Variants in SLC35F4 observed in about 807,000 individuals in gnomAD.
SLC35F4 encodes solute carrier family 35 member F4.
Under a neutral mutation model 44.2 loss-of-function variants are expected in SLC35F4, and 24 were observed. The observed-to-expected ratio is 0.54, with a 90% confidence interval of 0.39 to 0.76. SLC35F4 has a LOEUF of 0.76. SLC35F4 is among the 30% of genes least tolerant of loss of function. SLC35F4 has a pLI of 0.00. For missense variants in SLC35F4, 562 were observed against 586.1 expected, an observed-to-expected ratio of 0.96 and a Z score of 0.42; for synonymous variants, 238 against 223.6, an observed-to-expected ratio of 1.06 and a Z score of -0.57.
intron 1 of SLC35F4, among the ~76,000 whole-genome samples, chr14:57,966,911 G>A (rs1019199627): frequency 4.6e-5 from 7 of 151,962 alleles, no homozygotes; most frequent in East Asian, 1.9e-4. Context: ...TCAGGAGACC[G>A]AGGCAGGAGA....
chr14:57,919,321 C>T (rs1396167161), intron 1 of SLC35F4, among the ~76,000 whole-genome samples: 3 of 152,192 alleles, frequency 2.0e-5, no homozygotes, highest in Admixed American at 6.5e-5. Context: ...GGACAATAAC[C>T]TACTCCTTAT....
intron 1 of SLC35F4, among the ~76,000 whole-genome samples, chr14:57,648,950 C>T (rs1253351013): frequency 6.6e-6 from 1 of 152,206 alleles, no homozygotes; most frequent in East Asian, 1.9e-4. Context: ...CACTCTGCTT[C>T]AGTTACCCTG....
At chr14:57,942,848 T>C (rs1449935301) in intron 1 of SLC35F4, among the ~76,000 whole-genome samples, 1 of 152,234 alleles carries the variant, frequency 6.6e-6, no homozygotes, top group African/African-American at 2.4e-5. Context: ...TCTTTTCTAA[T>C]CTGACCTTTC....
At chr14:57,673,961 TA>T (rs1210102973) in intron 1 of SLC35F4, among the ~76,000 whole-genome samples, 1 of 152,038 alleles carries the variant, frequency 6.6e-6, no homozygotes, top group Non-Finnish European at 1.5e-5. Context: ...AAAATTTGAA[TA>T]AACACTTTAT....
intron 1 of SLC35F4, among the ~76,000 whole-genome samples, chr14:57,753,404 C>G (rs1225161527): frequency 1.3e-5 from 2 of 152,214 alleles, no homozygotes; most frequent in Middle Eastern, 3.4e-3. Context: ...TTCCCTGAGC[C>G]TTTACAGGGA....
Position 57,865,903 on chromosome 14 carries a change from G to C in SLC35F4, c.-78C>G, listed in dbSNP as rs540814278. On this transcript the variant is annotated 5_prime_UTR_variant, in exon 1 of 8. Coordinates refer to ENST00000556826, the MANE Select transcript of SLC35F4 (RefSeq NM_001306087.2). ...GGGCCCGGGAGCTGGTGCAGGTGCCGGAGCCGCTGGTGCTGATCTTGCAGC... is the reference window on the plus strand; with the variant it reads ...GGGCCCGGGAGCTGGTGCAGGTGCCCGAGCCGCTGGTGCTGATCTTGCAGC... 1 of 1,014,194 alleles carries C rather than the reference G, an allele frequency of 9.9e-7. No individual in the cohort carries two copies. Among genetic ancestry groups the C allele is most frequent in the Admixed American group, 2.9e-5 (1 of 34,064 alleles). The allele number at this position is 1,014,194 out of a possible 1,614,324, so 62.8% of individuals were successfully genotyped here. A position where few individuals can be genotyped will look rare whatever the true frequency, so the allele number is the denominator to read the frequency against.
intron 1 of SLC35F4, among the ~76,000 whole-genome samples, chr14:57,706,276 G>A (rs1019652445): frequency 6.6e-6 from 1 of 152,224 alleles, no homozygotes; most frequent in Non-Finnish European, 1.5e-5. Flanking sequence ...CTAGATTGCA[G>A]TCTAGTCTTC....
chr14:57,683,909 T>C (rs1047223161), intron 1 of SLC35F4, among the ~76,000 whole-genome samples: 2 of 152,074 alleles, frequency 1.3e-5, no homozygotes, highest in African/African-American at 2.4e-5. Flanking sequence ...TGTTCCTACA[T>C]AGGAGTGGCC....
At chr14:57,744,946 TA>T (rs1426078584) in intron 1 of SLC35F4, among the ~76,000 whole-genome samples, 1 of 151,850 alleles carries the variant, frequency 6.6e-6, no homozygotes, top group African/African-American at 2.4e-5. Context: ...ACACATCTAC[TA>T]ACCATCTGAT....
At chr14:57,928,297 A>G (rs1012241660) in intron 1 of SLC35F4, among the ~76,000 whole-genome samples, 1 of 152,166 alleles carries the variant, frequency 6.6e-6, no homozygotes, top group African/African-American at 2.4e-5. Context: ...CTGTACTTCT[A>G]TCCCTGCCAG....
intron 1 of SLC35F4, among the ~76,000 whole-genome samples, chr14:57,941,329 TATAATA>T (rs1889912820): frequency 6.6e-6 from 1 of 152,280 alleles, no homozygotes; most frequent in South Asian, 2.1e-4. Flanking sequence ...GGCATGTAAA[TATAATA>T]GGATATTATT....
rs1053443206 is a variant in SLC35F4 at position 57,944,927 on chromosome 14, A to C, written n.282+36986T>G. ...AAGGCTGTACAACCTTACACACACAAAAAATACTCCTGTAAGGACATCTGC... is the reference window on the plus strand; with the variant it reads ...AAGGCTGTACAACCTTACACACACACAAAATACTCCTGTAAGGACATCTGC... On this transcript the variant is annotated intron_variant and non_coding_transcript_variant, in intron 1 of 1. Transcript: ENST00000556568. 3.9e-5 allele frequency among the ~76,000 whole-genome samples: 6 copies of C among 152,180 alleles called. No individual in the cohort carries two copies. The South Asian group carries it at 6.2e-4, about 16-fold the overall frequency.
intron 1 of SLC35F4, among the ~76,000 whole-genome samples, chr14:57,888,308 A>C (rs1248119620): frequency 1.3e-5 from 2 of 152,190 alleles, no homozygotes; most frequent in African/African-American, 2.4e-5. Flanking sequence ...TTCAGCTAGC[A>C]CTTGATATCC....
At chr14:57,967,106 A>G (rs1880895544) in intron 1 of SLC35F4, among the ~76,000 whole-genome samples, 1 of 152,168 alleles carries the variant, frequency 6.6e-6, no homozygotes, top group South Asian at 2.1e-4. Context: ...AAAGATAATA[A>G]TATTTTCATA....
At chr14:57,899,491 C>T (rs529862287) in intron 1 of SLC35F4, among the ~76,000 whole-genome samples, 1 of 151,964 alleles carries the variant, frequency 6.6e-6, no homozygotes, top group East Asian at 2.0e-4. Context: ...ACATGTGAAA[C>T]TCTTTGAGAA....
intron 1 of SLC35F4, among the ~76,000 whole-genome samples, chr14:57,837,064 A>T (rs1202266978): frequency 6.6e-6 from 1 of 152,176 alleles, no homozygotes; most frequent in African/African-American, 2.4e-5. Flanking sequence ...CTTACTAAAA[A>T]CTGAGATTAG....
intron 1 of SLC35F4, among the ~76,000 whole-genome samples, chr14:57,662,968 C>T (rs2140241759): frequency 6.6e-6 from 1 of 152,330 alleles, no homozygotes; most frequent in Middle Eastern, 3.4e-3. Context: ...AAAGCCACAA[C>T]TCCCAATGGG....
chr14:57,831,334 C>T, intron 1 of SLC35F4, among the ~76,000 whole-genome samples: 1 of 152,172 alleles, frequency 6.6e-6, no homozygotes, highest in East Asian at 1.9e-4. Flanking sequence ...TCTTAGACTT[C>T]CCAGCCTCCA....
intron 1 of SLC35F4, among the ~76,000 whole-genome samples, chr14:57,629,384 G>T (rs2072649579): frequency 6.6e-6 from 1 of 152,096 alleles, no homozygotes; most frequent in Admixed American, 6.6e-5. Flanking sequence ...CACTTAAACT[G>T]CAGGAGAGTT....
Sources: allele counts gnomAD v4.1 joint callset (sites outside exome capture counted in the v4.1 genomes callset), GRCh38; gene constraint gnomAD v4.1.1; transcripts MANE v1.5; gene names NCBI Gene and HGNC (gene_info 2026-07-23, HGNC 2026-07-21).